TOX: variants seen among roughly 807,000 people sequenced by gnomAD.
TOX encodes thymocyte selection-associated high mobility group box protein TOX.
TOX carries 11 observed loss-of-function variants against 53.7 expected under a neutral mutation model. The ratio of observed to expected loss-of-function variants is 0.20; its 90% CI spans 0.13 to 0.34. TOX has a LOEUF of 0.34. Ranked by LOEUF, TOX falls within the 10% of genes least tolerant of loss-of-function variation. TOX has a pLI of 1.00. For missense variants in TOX, 570 were observed against 664.6 expected (o/e 0.86, Z 1.56); for synonymous variants, 225 against 245.3 (o/e 0.92, Z 0.77).
intron 5 of TOX, among the ~76,000 whole-genome samples, chr8:58,829,788 T>C (rs181457478): frequency 6.6e-6 from 1 of 152,200 alleles, no homozygotes; most frequent in East Asian, 1.9e-4. Context: ...GATAATGATA[T>C]ATAAAAATTC....
chr8:58,920,721 T>TAAAA (rs5891703), intron 3 of TOX, among the ~76,000 whole-genome samples: 116 of 80,744 alleles, frequency 1.4e-3, no homozygotes, highest in East Asian at 2.9e-3. Context: ...AAAAAAACAT[T>TAAAA]AAAAAAAAAA....
intron 3 of TOX, among the ~76,000 whole-genome samples, chr8:58,927,107 CAA>C (rs1189702052): frequency 1.3e-5 from 2 of 150,630 alleles, no homozygotes; most frequent in Non-Finnish European, 2.9e-5. Context: ...ACTGATTTGT[CAA>C]AGTCACCCAG....
intron 2 of TOX, among the ~76,000 whole-genome samples, chr8:58,944,597 T>C (rs184592258): frequency 2.4e-3 from 358 of 152,296 alleles, no homozygotes; most frequent in Non-Finnish European, 3.7e-3. Flanking sequence ...AAGGTCTGCT[T>C]CCAAGTCCTT....
At chr8:58,938,936 T>C (rs1812390143) in intron 3 of TOX, among the ~76,000 whole-genome samples, 1 of 152,234 alleles carries the variant, frequency 6.6e-6, no homozygotes, top group African/African-American at 2.4e-5. Flanking sequence ...GTTCAGAAGA[T>C]GTGGGGATCT....
intron 1 of TOX, among the ~76,000 whole-genome samples, chr8:59,023,507 A>T (rs1454035838): frequency 6.6e-6 from 1 of 152,130 alleles, no homozygotes; most frequent in Non-Finnish European, 1.5e-5. Context: ...AACACAACTC[A>T]TCATAGGAGA....
In TOX at chr8:58,805,573, G is replaced by T. The variant is rs999762991; in HGVS notation, c.*2174C>A. 6.6e-6 allele frequency: 1 copy of T among 152,560 alleles called. No individual in the cohort carries two copies. Among genetic ancestry groups the T allele is most frequent in the Non-Finnish European group, 1.5e-5 (1 of 68,046 alleles). The allele number at this position is 152,560 out of a possible 1,614,324, so 9.5% of individuals were successfully genotyped here. A position where few individuals can be genotyped will look rare whatever the true frequency, so the allele number is the denominator to read the frequency against. On this transcript the variant is annotated 3_prime_UTR_variant, in exon 9 of 9. Coordinates refer to ENST00000361421, the MANE Select transcript of TOX (RefSeq NM_014729.3). ...GGCACTGTGCTTTCCTGCACAAACC[G>T]CCTGTCAAAGTCAAAGCTGCTCATT...
chr8:58,952,565 G>A (rs2129177743), intron 2 of TOX, among the ~76,000 whole-genome samples: 1 of 152,304 alleles, frequency 6.6e-6, no homozygotes, highest in African/African-American at 2.4e-5. Flanking sequence ...CAACTGGTCA[G>A]ACTGCAGTAG....
At chr8:58,928,394 T>C (rs1239887184) in intron 3 of TOX, among the ~76,000 whole-genome samples, 1 of 152,230 alleles carries the variant, frequency 6.6e-6, no homozygotes, top group Non-Finnish European at 1.5e-5. Context: ...AGTGGGGAAA[T>C]GGCCACTGAT....
chr8:59,079,346 C>T (rs1001261230), intron 1 of TOX, among the ~76,000 whole-genome samples: 20 of 152,164 alleles, frequency 1.3e-4, no homozygotes, highest in African/African-American at 4.6e-4. Context: ...ATTTCAGGAC[C>T]TTCCCAGCAG....
At chr8:58,874,803 C>CTTT (rs529916862) in intron 3 of TOX, among the ~76,000 whole-genome samples, 241 of 152,272 alleles carry the variant, frequency 1.6e-3, no homozygotes, top group African/African-American at 5.5e-3. Context: ...ATATCTAAAC[C>CTTT]AGGGTGTCCA....
chr8:59,075,123 T>G (rs1171488152), intron 1 of TOX, among the ~76,000 whole-genome samples: 1 of 152,158 alleles, frequency 6.6e-6, no homozygotes, highest in Admixed American at 6.5e-5. Context: ...GACTCCTAGA[T>G]TTTTAACCCT....
intron 1 of TOX, among the ~76,000 whole-genome samples, chr8:58,968,388 A>T (rs1317987253): frequency 2.6e-5 from 4 of 152,234 alleles, no homozygotes; most frequent in Non-Finnish European, 5.9e-5. Context: ...TGTAATGATT[A>T]AAGCTGTAAA....
At chr8:59,024,418 A>G (rs1204062070) in intron 1 of TOX, among the ~76,000 whole-genome samples, 2 of 152,236 alleles carry the variant, frequency 1.3e-5, no homozygotes, top group African/African-American at 2.4e-5. Context: ...ATTTTCCATA[A>G]AAGAAGATAT....
intron 3 of TOX, among the ~76,000 whole-genome samples, chr8:58,914,870 C>T (rs1413668131): frequency 4.6e-5 from 7 of 151,928 alleles, no homozygotes; most frequent in African/African-American, 1.5e-4. Flanking sequence ...CGAAGCAGGG[C>T]GAGGCATTGC....
intron 1 of TOX, among the ~76,000 whole-genome samples, chr8:58,995,548 A>G (rs1352055976): frequency 1.3e-5 from 2 of 152,252 alleles, no homozygotes; most frequent in Non-Finnish European, 2.9e-5. Context: ...TGGAGCACAC[A>G]GGCACTGTTT....
At chr8:58,948,962 C>T (rs566540830) in intron 2 of TOX, among the ~76,000 whole-genome samples, 3 of 152,036 alleles carry the variant, frequency 2.0e-5, no homozygotes, top group Non-Finnish European at 4.4e-5. Context: ...TTTTTGTTTT[C>T]CATAACAAAA....
chr8:58,923,930 C>T (rs189920597), intron 3 of TOX, among the ~76,000 whole-genome samples: 24 of 152,266 alleles, frequency 1.6e-4, no homozygotes, highest in Admixed American at 1.1e-3. Context: ...GTCCTGTGTG[C>T]ATGAATGCAT....
chr8:58,856,447 A>T (rs1296623604), intron 3 of TOX, among the ~76,000 whole-genome samples: 2 of 152,222 alleles, frequency 1.3e-5, no homozygotes, highest in African/African-American at 2.4e-5. Context: ...AAGGAAATGA[A>T]TTCATCAGTA....
At chr8:59,054,015 A>G (rs1803840852) in intron 1 of TOX, among the ~76,000 whole-genome samples, 1 of 152,202 alleles carries the variant, frequency 6.6e-6, no homozygotes, top group African/African-American at 2.4e-5. Flanking sequence ...AAAAAATATC[A>G]GAGAGTGGTG....
Sources: allele counts gnomAD v4.1 joint callset (sites outside exome capture counted in the v4.1 genomes callset), GRCh38; gene constraint gnomAD v4.1.1; transcripts MANE v1.5; gene names NCBI Gene and HGNC (gene_info 2026-07-23, HGNC 2026-07-21).